PPP1R12B: variants seen among roughly 807,000 people sequenced by gnomAD.
The protein encoded by PPP1R12B is protein phosphatase 1 regulatory subunit 12B, also known as myosin phosphatase target subunit 2.
A neutral mutation model predicts 126.1 loss-of-function variants in PPP1R12B; 76 were observed. The observed-to-expected ratio is 0.60, with a 90% confidence interval of 0.50 to 0.73. The LOEUF is 0.73. PPP1R12B is among the 30% of genes least tolerant of loss of function. PPP1R12B has a pLI of 0.00. For missense variants in PPP1R12B, 1,052 were observed against 1,205.1 expected, an observed-to-expected ratio of 0.87 and a Z score of 1.88; for synonymous variants, 356 against 434.7, an observed-to-expected ratio of 0.82 and a Z score of 2.25.
rs528102665 is a variant in PPP1R12B at position 202,541,026 on chromosome 1, A to T, written c.2491-17851A>T. 1.4e-4 allele frequency among the ~76,000 whole-genome samples: 22 copies of T among 152,350 alleles called. No homozygotes were observed. In the South Asian group the frequency reaches 2.1e-3, roughly 14 times the overall value. The stretch of plus-strand genomic sequence containing the variant: ...TAGTGTCTTCCTCTGTGGGAAGCTG[A>T]TAAAAGCAAGAACTGCTACCAATAG... On this transcript the variant is annotated intron_variant, in intron 18 of 23. Coordinates refer to ENST00000608999, the MANE Select transcript of PPP1R12B (RefSeq NM_002481.4).
chr1:202,487,870 A>G (rs1347856345), intron 13 of PPP1R12B, among the ~76,000 whole-genome samples: 1 of 152,166 alleles, frequency 6.6e-6, no homozygotes, highest in Non-Finnish European at 1.5e-5. Context: ...GGCCTCCCAA[A>G]GTGCTGGGAT....
chr1:202,561,332 CAT>C (rs1687499431), intron 19 of PPP1R12B, among the ~76,000 whole-genome samples: 1 of 150,096 alleles, frequency 6.7e-6, no homozygotes, highest in Non-Finnish European at 1.5e-5. Context: ...AAGTGTCTAT[CAT>C]AGAAGATTAG....
intron 13 of PPP1R12B, among the ~76,000 whole-genome samples, chr1:202,450,493 C>T (rs1157290680): frequency 6.6e-6 from 1 of 152,154 alleles, no homozygotes; most frequent in Admixed American, 6.5e-5. Flanking sequence ...AAGACTAAGG[C>T]TATAATTATC....
At chr1:202,506,119 C>T (rs1342075582) in intron 18 of PPP1R12B, among the ~76,000 whole-genome samples, 2 of 152,176 alleles carry the variant, frequency 1.3e-5, no homozygotes, top group African/African-American at 4.8e-5. Context: ...TGAGAAATGG[C>T]AGCCAACCAA....
At chr1:202,541,229 G>GTT (rs3834065) in intron 18 of PPP1R12B, among the ~76,000 whole-genome samples, 50 of 150,816 alleles carry the variant, frequency 3.3e-4, no homozygotes, top group African/African-American at 8.5e-4. Context: ...ACTAGTGTGG[G>GTT]TTTTTTTTTC....
chr1:202,449,025 GA>G lies in PPP1R12B; in HGVS notation c.1708del (p.Thr570GlnfsTer13). 2 of 1,613,842 alleles carry G rather than the reference GA, an allele frequency of 1.2e-6. No individual in the cohort carries two copies. Among genetic ancestry groups the G allele is most frequent in the Non-Finnish European group, 1.7e-6 (2 of 1,179,848 alleles). Reference sequence around the variant, plus strand: ...AATCCCAGGCCGACACAACAGCAGAGAAAACAGCAGACAATGTCTCTTCTAG... The same window carrying G: ...AATCCCAGGCCGACACAACAGCAGAGAAACAGCAGACAATGTCTCTTCTAG... ...HKSQADTTAE[K>X]TADNVSSSTP... On this transcript the variant is annotated frameshift_variant, in exon 13 of 24. Transcript: ENST00000608999. LOFTEE classifies it high-confidence loss of function.
At chr1:202,358,498 C>G (rs1295099480) in intron 1 of PPP1R12B, among the ~76,000 whole-genome samples, 1 of 152,062 alleles carries the variant, frequency 6.6e-6, no homozygotes. Flanking sequence ...CTGGCTAACA[C>G]GGTGAAACCC....
At chr1:202,467,381 C>G (rs947234416) in intron 13 of PPP1R12B, among the ~76,000 whole-genome samples, 1 of 152,038 alleles carries the variant, frequency 6.6e-6, no homozygotes, top group African/African-American at 2.4e-5. Context: ...CCGCTCCCCC[C>G]ACCCCACAAC....
In PPP1R12B at chr1:202,589,458, T is replaced by C. The variant is rs1690024011; in HGVS notation, c.*8898T>C. ...AGCAGCAGAACAAGCACACTTGATG[T>C]CATGGTTGAAGAATTCAGTCCTGTC... On this transcript the variant is annotated 3_prime_UTR_variant, in exon 24 of 24. Coordinates refer to ENST00000608999, the MANE Select transcript of PPP1R12B (RefSeq NM_002481.4). 1.3e-5 allele frequency: 2 copies of C among 152,208 alleles called. No individual in the cohort carries two copies. 9.4% of individuals were successfully genotyped at this position (152,208 alleles called of 1,614,324 possible). A position where few individuals can be genotyped will look rare whatever the true frequency, so the allele number is the denominator to read the frequency against.
chr1:202,553,707 A>C (rs1686574126), intron 18 of PPP1R12B, among the ~76,000 whole-genome samples: 1 of 152,150 alleles, frequency 6.6e-6, no homozygotes, highest in African/African-American at 2.4e-5. Flanking sequence ...ATTTGGCTGG[A>C]GTCCCTAAGC....
At chr1:202,542,517 G>A (rs969488471) in intron 18 of PPP1R12B, among the ~76,000 whole-genome samples, 17 of 152,216 alleles carry the variant, frequency 1.1e-4, no homozygotes, top group African/African-American at 4.1e-4. Context: ...TTAAGAACAT[G>A]CTAAAGGGCA....
At chr1:202,382,875 CAA>C (rs764971866) in intron 1 of PPP1R12B, among the ~76,000 whole-genome samples, 12 of 85,148 alleles carry the variant, frequency 1.4e-4, no homozygotes, top group African/African-American at 1.3e-4. Context: ...GACTCTGTCT[CAA>C]AAAAAAAAAA....
chr1:202,528,871 A>G (rs191841469), intron 18 of PPP1R12B, among the ~76,000 whole-genome samples: 252 of 152,236 alleles, frequency 1.7e-3, no homozygotes, highest in Non-Finnish European at 2.2e-3. Flanking sequence ...AATCTTAGGC[A>G]TAGGGAAAAA....
chr1:202,475,750 A>G (rs1676551852), intron 13 of PPP1R12B, among the ~76,000 whole-genome samples: 1 of 151,854 alleles, frequency 6.6e-6, no homozygotes, highest in South Asian at 2.1e-4. Context: ...GAATTCATAA[A>G]GTCTGTAGGC....
chr1:202,368,644 G>C (rs1388023405), intron 1 of PPP1R12B, among the ~76,000 whole-genome samples: 1 of 150,968 alleles, frequency 6.6e-6, no homozygotes, highest in Non-Finnish European at 1.5e-5. Flanking sequence ...AATTAGTGTT[G>C]GCTGTATTTT....
intron 1 of PPP1R12B, among the ~76,000 whole-genome samples, chr1:202,386,480 C>T (rs1164089481): frequency 4.6e-5 from 7 of 152,030 alleles, no homozygotes; most frequent in Admixed American, 1.3e-4. Flanking sequence ...TACAGGTGCC[C>T]GCCACTGTGC....
At chr1:202,460,556 C>T (rs541634402) in intron 13 of PPP1R12B, among the ~76,000 whole-genome samples, 11 of 152,318 alleles carry the variant, frequency 7.2e-5, no homozygotes, top group South Asian at 6.2e-4. Flanking sequence ...GTTCCACAAA[C>T]GACTCCAATC....
At position 202,582,639 on chromosome 1, in the gene PPP1R12B, A is replaced by C. The variant is rs1280320400; in HGVS notation, c.*2079A>C. On this transcript the variant is annotated 3_prime_UTR_variant, in exon 24 of 24. Transcript: ENST00000608999. The stretch of plus-strand genomic sequence containing the variant: ...AGTGGCTCATGCCTGTAATCCCAGC[A>C]CTTCAGGAGGCCGAGGTGGACAGAT... 6.6e-6 allele frequency: 1 copy of C among 152,644 alleles called. No individual in the cohort carries two copies. The highest frequency in any genetic ancestry group is 2.4e-5 in the African/African-American group (1 of 41,434). The allele number at this position is 152,644 out of a possible 1,614,324, so 9.5% of individuals were successfully genotyped here.
At chr1:202,422,186 G>A (rs1472413137) in intron 2 of PPP1R12B, among the ~76,000 whole-genome samples, 1 of 152,214 alleles carries the variant, frequency 6.6e-6, no homozygotes, top group Non-Finnish European at 1.5e-5. Flanking sequence ...ATGTCTGGTT[G>A]ATAGGAGAGT....
Sources: allele counts gnomAD v4.1 joint callset (sites outside exome capture counted in the v4.1 genomes callset), GRCh38; gene constraint gnomAD v4.1.1; transcripts MANE v1.5; gene names NCBI Gene and HGNC (gene_info 2026-07-23, HGNC 2026-07-21).